Variants in BMP7 observed in about 807,000 individuals in gnomAD.
BMP7 encodes bone morphogenetic protein 7.
A neutral mutation model predicts 41.2 loss-of-function variants in BMP7; 12 were observed. The ratio of observed to expected loss-of-function variants is 0.29; its 90% CI spans 0.19 to 0.47. The LOEUF (loss-of-function observed/expected upper bound fraction) is 0.47, where lower values mean the gene tolerates loss of function less well. Among genes scored for constraint, BMP7 ranks in the 20% least tolerant of loss-of-function variants. BMP7 has a pLI of 0.99. For synonymous variants in BMP7, 248 were observed against 250.0 expected (o/e 0.99, Z 0.07); for missense variants, 467 against 606.0 (o/e 0.77, Z 2.41).
intron 1 of BMP7, among the ~76,000 whole-genome samples, chr20:57,234,663 G>A (rs890688245): frequency 2.0e-5 from 3 of 152,072 alleles, no homozygotes; most frequent in African/African-American, 7.3e-5. Flanking sequence ...CAGTAGCTGT[G>A]TTCTCTCCAG....
Position 57,168,945 on chromosome 20 carries a change from A to G in BMP7, c.*2014T>C, listed in dbSNP as rs1347078294. 6.9e-6 allele frequency: 1 copy of G among 145,236 alleles called. No individual in the cohort carries two copies. The highest frequency in any genetic ancestry group is 2.6e-5 in the African/African-American group (1 of 38,466). 9.0% of individuals were successfully genotyped at this position (145,236 alleles called of 1,614,324 possible). ...CTCATCGTCCTGAACGAGGGATTAA[A>G]GGGGGGGGGGTGTTCAAAAGAGCTT... On this transcript the variant is annotated 3_prime_UTR_variant, in exon 7 of 7. Transcript: ENST00000395863.
In BMP7 at chr20:57,266,356, G is replaced by A; in HGVS notation, c.-234C>T. 3.7e-6 allele frequency: 1 copy of A among 271,260 alleles called. No individual in the cohort carries two copies. 16.8% of individuals were successfully genotyped at this position (271,260 alleles called of 1,614,324 possible). ...CGCACTCGCCCGGGCGCACCGCAGG[G>A]CTTGGAAAGCAGCCCCGGCGAACGA... On this transcript the variant is annotated 5_prime_UTR_variant, in exon 1 of 7. Coordinates refer to ENST00000395863, the MANE Select transcript of BMP7 (RefSeq NM_001719.3).
chr20:57,170,834 T>C lies in BMP7; in HGVS notation c.*125A>G. ...TCATGTTTCCTAATACTCTCACACCTTTAAAGTTGGGGATAGGGAGGGGAA... is the reference window on the plus strand; with the variant it reads ...TCATGTTTCCTAATACTCTCACACCCTTAAAGTTGGGGATAGGGAGGGGAA... On this transcript the variant is annotated 3_prime_UTR_variant, in exon 7 of 7. Coordinates refer to ENST00000395863, the MANE Select transcript of BMP7 (RefSeq NM_001719.3). The C allele has an allele frequency of 7.9e-7, 1 of 1,266,062 alleles. No individual in the cohort carries two copies. Among genetic ancestry groups the C allele is most frequent in the Non-Finnish European group, 1.1e-6 (1 of 899,244 alleles). 78.4% of individuals were successfully genotyped at this position (1,266,062 alleles called of 1,614,324 possible).
Position 57,183,740 on chromosome 20 carries a change from G to T in BMP7, c.940C>A (p.Arg314=), listed in dbSNP as rs919226290. 1.9e-6 allele frequency: 3 copies of T among 1,614,062 alleles called. No individual in the cohort carries two copies. Among genetic ancestry groups the T allele is most frequent in the Non-Finnish European group, 1.7e-6 (2 of 1,180,036 alleles). ...SKTPKNQEAL[R]MANVAENSSS... ...AGCATACCTGCCACGTTGGCCATCC[G>T]CAGGGCTTCCTGGTTCTTGGGCGTC... The change falls in exon 4 of 7, where the codon CGG becomes AGG. Residue 314 remains arginine, a synonymous_variant. Transcript: ENST00000395863.
chr20:57,266,266 C>G lies in BMP7; in HGVS notation c.-144G>C. On this transcript the variant is annotated 5_prime_UTR_variant, in exon 1 of 7. Coordinates refer to ENST00000395863, the MANE Select transcript of BMP7 (RefSeq NM_001719.3). ...CGCCCGCGCCAGACATGGCCCCTCC[C>G]CGGCCGGCCGCGCTCTGCCCGGACC... is the stretch of plus-strand genomic sequence containing the variant. 2.5e-6 allele frequency: 2 copies of G among 790,678 alleles called. No individual in the cohort carries two copies. Among genetic ancestry groups the G allele is most frequent in the Non-Finnish European group, 3.4e-6 (2 of 580,490 alleles). The allele number at this position is 790,678 out of a possible 1,614,324, so 49.0% of individuals were successfully genotyped here.
intron 3 of BMP7, among the ~76,000 whole-genome samples, chr20:57,186,149 G>T (rs1038119762): frequency 3.3e-5 from 5 of 152,236 alleles, no homozygotes; most frequent in South Asian, 2.1e-4. Flanking sequence ...GACTGGATGA[G>T]CTCGCCTGGG....
At chr20:57,258,285 G>C (rs537951990) in intron 1 of BMP7, among the ~76,000 whole-genome samples, 2 of 152,134 alleles carry the variant, frequency 1.3e-5, no homozygotes, top group Non-Finnish European at 2.9e-5. Context: ...ATTCTCTTTC[G>C]TCCTCTGGTC....
At position 57,183,668 on chromosome 20, in the gene BMP7, G is replaced by A. The variant is rs77440752; in HGVS notation, c.958+54C>T. 23,146 of 1,608,962 alleles carry A rather than the reference G, an allele frequency of 0.014. 203 individuals are homozygous for A. The highest frequency in any genetic ancestry group is 0.026 in the Middle Eastern group (127 of 4,844). On this transcript the variant is annotated intron_variant, in intron 4 of 6. Coordinates refer to ENST00000395863, the MANE Select transcript of BMP7 (RefSeq NM_001719.3). ...AGTCAGTCTCCTGCCGGGTCCCGCC[G>A]GGGCCCTGCTGGGTTCCTGTGGTGG...
chr20:57,199,256 C>A (rs947617568), intron 3 of BMP7, among the ~76,000 whole-genome samples: 1 of 152,280 alleles, frequency 6.6e-6, no homozygotes, highest in African/African-American at 2.4e-5. Flanking sequence ...AGACCCAGAA[C>A]CCGAGGGGTA....
chr20:57,184,931 T>C (rs147760923), intron 3 of BMP7, among the ~76,000 whole-genome samples: 167 of 152,304 alleles, frequency 1.1e-3, no homozygotes, highest in African/African-American at 3.8e-3. Context: ...AATAAAGCCC[T>C]ATTGTTTCAA....
intron 3 of BMP7, among the ~76,000 whole-genome samples, chr20:57,199,186 A>G (rs1251200760): frequency 6.6e-6 from 1 of 152,116 alleles, no homozygotes; most frequent in Non-Finnish European, 1.5e-5. Flanking sequence ...TGTCGGATGC[A>G]CACCGCCTCC....
chr20:57,262,389 G>A (rs1029735496), intron 1 of BMP7, among the ~76,000 whole-genome samples: 3 of 152,206 alleles, frequency 2.0e-5, no homozygotes, highest in Admixed American at 2.0e-4. Context: ...CACATTGCCT[G>A]GGGCTTTATG....
At chr20:57,194,435 C>T (rs62205664) in intron 3 of BMP7, among the ~76,000 whole-genome samples, 93 of 152,254 alleles carry the variant, frequency 6.1e-4, no homozygotes, top group Non-Finnish European at 1.2e-3. Flanking sequence ...CAGGCAAAAA[C>T]GAACGCCTGA....
intron 4 of BMP7, among the ~76,000 whole-genome samples, chr20:57,182,820 T>C (rs1222605440): frequency 1.3e-5 from 2 of 152,284 alleles, no homozygotes; most frequent in East Asian, 1.9e-4. Flanking sequence ...ACTTTACTTA[T>C]ATTTACTGTT....
chr20:57,195,034 G>C lies in BMP7; in HGVS notation c.760+7441C>G, dbSNP rs1984460245. Among the ~76,000 whole-genome samples, 3 of 152,284 alleles carry C rather than the reference G, an allele frequency of 2.0e-5. No individual in the cohort carries two copies. In the South Asian group the frequency reaches 6.2e-4, roughly 32 times the overall value. ...AAGGCCTTCTAAAAGGAGCCTGGTGGAGATAGGACTCAGAGTGAGCTGAGG... is the reference window on the plus strand; with the variant it reads ...AAGGCCTTCTAAAAGGAGCCTGGTGCAGATAGGACTCAGAGTGAGCTGAGG... On this transcript the variant is annotated intron_variant, in intron 3 of 6. Coordinates refer to ENST00000395863, the MANE Select transcript of BMP7 (RefSeq NM_001719.3).
At chr20:57,188,794 C>T (rs573712430) in intron 3 of BMP7, among the ~76,000 whole-genome samples, 4 of 152,352 alleles carry the variant, frequency 2.6e-5, no homozygotes, top group African/African-American at 7.2e-5. Flanking sequence ...CCCACCCCAT[C>T]CTCAACACAG....
chr20:57,265,854 A>C lies in BMP7; in HGVS notation c.269T>G (p.Met90Arg), dbSNP rs2066175297. The C allele has an allele frequency of 6.2e-7, 1 of 1,606,910 alleles. No individual in the cohort carries two copies. The highest frequency in any genetic ancestry group is 8.5e-7 in the Non-Finnish European group (1 of 1,177,176). Residue 90 changes from methionine (M) to arginine (R), a missense_variant, in exon 1 of 7, where the codon ATG becomes AGG. Transcript: ENST00000395863. ...PMFMLDLYNA[M>R]AVEEGGGPGG... ...GGGCCCGCCGCCCTCCTCCACCGCC[A>C]TGGCGTTGTACAGGTCCAGCATGAA...
intron 4 of BMP7, 129 bp from the exon 5 acceptor site, chr20:57,175,136 C>T: frequency 9.7e-7 from 1 of 1,031,622 alleles, no homozygotes; most frequent in East Asian, 2.6e-5. Context: ...GGGTAAATTT[C>T]CCGATTCAAA....
chr20:57,266,007 G>A lies in BMP7; in HGVS notation c.116C>T (p.Ser39Leu), dbSNP rs774351201. The change falls in exon 1 of 7, where the codon TCG (serine) becomes TTG (leucine). Residue 39 changes from serine (S) to leucine (L), a missense_variant. By Grantham distance (145) the Ser-to-Leu change is moderately radical. Coordinates refer to ENST00000395863, the MANE Select transcript of BMP7 (RefSeq NM_001719.3). ...ADFSLDNEVH[S>L]SFIHRRLRSQ... is the part of the protein sequence containing the mutation. ...GCGGAGGCGCCGGTGGATGAAGCTC[G>A]AGTGCACCTCGTTGTCCAGGCTGAA... 7.1e-6 allele frequency: 11 copies of A among 1,549,224 alleles called. No individual in the cohort carries two copies. In the East Asian group the frequency reaches 2.7e-4, roughly 38 times the overall value.
Sources: gnomAD v4.1 joint callset for allele counts (sites outside exome capture counted in the v4.1 genomes callset) on GRCh38, gnomAD v4.1.1 for gene constraint, MANE v1.5 for transcripts, NCBI Gene and HGNC (gene_info 2026-07-23, HGNC 2026-07-21) for gene names.